Variants in SMAP2 observed in about 807,000 individuals in gnomAD.
SMAP2 encodes the protein stromal membrane-associated protein 2.
In SMAP2, 25 loss-of-function variants were observed where a neutral mutation model predicts 56.4. That is an observed-to-expected ratio of 0.44 (90% CI 0.32 to 0.62). The LOEUF is 0.62. SMAP2 is among the 20% of genes least tolerant of loss of function. SMAP2 has a pLI of 0.04. For synonymous variants in SMAP2, 157 were observed against 181.7 expected, an observed-to-expected ratio of 0.86 and a Z score of 1.09; for missense variants, 388 against 545.6, an observed-to-expected ratio of 0.71 and a Z score of 2.88.
upstream of SMAP2, among the ~76,000 whole-genome samples, chr1:40,373,137 ACTGT>A (rs946078994): frequency 2.4e-4 from 36 of 152,192 alleles, no homozygotes; most frequent in African/African-American, 7.7e-4. Flanking sequence ...GAAGAAACAA[ACTGT>A]CTGGGCACCA....
rs577000550 is a variant in SMAP2 at position 40,386,691 on chromosome 1, G to C, written c.103+12468G>C. On this transcript the variant is annotated intron_variant, in intron 1 of 9. Coordinates refer to ENST00000372718, the MANE Select transcript of SMAP2 (RefSeq NM_022733.3). This position sits in a 1 kb window ranked among gnomAD's most constrained non-coding sequence, Gnocchi z 4.1. The stretch of plus-strand genomic sequence containing the variant: ...TGTCTTGTGGGATTTTAGGAGCTGG[G>C]GAGATAGGAGGATCCCTGTGCTTAT... Among the ~76,000 whole-genome samples the C allele has an allele frequency of 2.6e-5, 4 of 152,182 alleles. No individual in the cohort carries two copies. The East Asian group carries it at 7.7e-4, about 29-fold the overall frequency.
intron 1 of SMAP2, among the ~76,000 whole-genome samples, chr1:40,402,345 A>G (rs372683362): frequency 3.3e-5 from 5 of 152,208 alleles, no homozygotes; most frequent in Admixed American, 2.6e-4. Flanking sequence ...GAATATTTGA[A>G]TTATTCTCTT....
rs1645060720 is a variant in SMAP2 at position 40,423,192 on chromosome 1, A to G, written c.*1091A>G. 1 of 152,652 alleles carries G rather than the reference A, an allele frequency of 6.6e-6. No homozygotes were observed. Among genetic ancestry groups the G allele is most frequent in the Admixed American group, 6.5e-5 (1 of 15,278 alleles). The allele number at this position is 152,652 out of a possible 1,614,324, so 9.5% of individuals were successfully genotyped here. ...AGAGGGCCGGGACAGCTTTCCTCTC[A>G]GTCATTGTTCACCCCACTTGAAAAT... On this transcript the variant is annotated 3_prime_UTR_variant, in exon 10 of 10. Transcript: ENST00000372718.
At chr1:40,351,559 C>T (rs1465700291) in intron 1 of SMAP2, among the ~76,000 whole-genome samples, 1 of 152,054 alleles carries the variant, frequency 6.6e-6, no homozygotes, top group South Asian at 2.1e-4. Flanking sequence ...GGCTGGAGTG[C>T]GATGGCACGA....
intron 9 of SMAP2, among the ~76,000 whole-genome samples, chr1:40,420,432 G>GA (rs1337110829): frequency 6.6e-6 from 1 of 152,056 alleles, no homozygotes; most frequent in African/African-American, 2.4e-5. Flanking sequence ...ACACTGAATG[G>GA]AAAAAACAAA....
At chr1:40,352,296 G>T (rs879587148) in intron 1 of SMAP2, among the ~76,000 whole-genome samples, 2 of 152,056 alleles carry the variant, frequency 1.3e-5, no homozygotes, top group Admixed American at 6.6e-5. Context: ...TTCGTGATCT[G>T]GCCCTCACCC....
intron 9 of SMAP2, 110 bp from the exon 10 acceptor site, chr1:40,421,866 T>C: frequency 7.8e-7 from 1 of 1,288,526 alleles, no homozygotes; most frequent in African/African-American, 1.5e-5. Context: ...AGAGTTTCCC[T>C]TTGTCTCATT....
chr1:40,355,291 G>A (rs1413471923), intron 1 of SMAP2, among the ~76,000 whole-genome samples: 1 of 152,146 alleles, frequency 6.6e-6, no homozygotes, highest in Non-Finnish European at 1.5e-5. Context: ...CAAGGATAAT[G>A]ATGAGTATCA....
intron 1 of SMAP2, among the ~76,000 whole-genome samples, chr1:40,347,533 T>A (rs1264083291): frequency 2.6e-5 from 4 of 151,996 alleles, no homozygotes; most frequent in African/African-American, 4.8e-5. Context: ...GACAGAGTCT[T>A]GCTCTGTCAC....
intron 1 of SMAP2, among the ~76,000 whole-genome samples, chr1:40,346,373 G>A (rs1461211949): frequency 6.6e-6 from 1 of 151,860 alleles, no homozygotes; most frequent in Non-Finnish European, 1.5e-5. Flanking sequence ...GACAAGAATA[G>A]GATTTTTTTT....
intron 2 of SMAP2, among the ~76,000 whole-genome samples, chr1:40,363,438 T>C (rs1644467616): frequency 6.6e-6 from 1 of 152,128 alleles, no homozygotes; most frequent in African/African-American, 2.4e-5. Context: ...TGTTTGTCAT[T>C]ATAAGCCTTG....
At chr1:40,397,856 A>C (rs1644787601) in intron 1 of SMAP2, among the ~76,000 whole-genome samples, 1 of 152,196 alleles carries the variant, frequency 6.6e-6, no homozygotes, top group Non-Finnish European at 1.5e-5. Context: ...TTTGTCAAGC[A>C]GGGAATGAGG....
chr1:40,410,280 G>A (rs1164453950), intron 4 of SMAP2, among the ~76,000 whole-genome samples: 1 of 151,964 alleles, frequency 6.6e-6, no homozygotes. Flanking sequence ...AAAAGTGCCA[G>A]TTACTGAGTC....
intron 1 of SMAP2, among the ~76,000 whole-genome samples, chr1:40,379,660 C>T (rs952936997): frequency 6.7e-6 from 1 of 149,864 alleles, no homozygotes; most frequent in East Asian, 2.0e-4. Context: ...TCTCCTGCCT[C>T]AGCCTCCTGA....
chr1:40,371,562 A>T (rs1173583587), upstream of SMAP2, among the ~76,000 whole-genome samples: 1 of 152,224 alleles, frequency 6.6e-6, no homozygotes. Flanking sequence ...AGAGCAACCA[A>T]CATCTTCAGC....
intron 6 of SMAP2, among the ~76,000 whole-genome samples, chr1:40,414,443 G>C (rs1644967722): frequency 6.6e-6 from 1 of 152,236 alleles, no homozygotes; most frequent in Non-Finnish European, 1.5e-5. Flanking sequence ...CGACAGTGTG[G>C]TGTAGTGGTT....
At chr1:40,377,107 G>A (rs1557828774) in intron 1 of SMAP2, among the ~76,000 whole-genome samples, 1 of 152,032 alleles carries the variant, frequency 6.6e-6, no homozygotes, top group Non-Finnish European at 1.5e-5. Flanking sequence ...GCAACATAGT[G>A]TGACCTTGTC....
chr1:40,408,870 G>C lies in SMAP2; in HGVS notation c.323+132G>C. On this transcript the variant is annotated intron_variant, in intron 3 of 9. Coordinates refer to ENST00000372718, the MANE Select transcript of SMAP2 (RefSeq NM_022733.3). The surrounding 1 kb of genome is among the most constrained non-coding windows in gnomAD (Gnocchi z 4.3). ...TAGTCAGTGTCCTTGCTTGTCCTCT[G>C]TCCTGCAATCAAGGTGCACAAAAAG... The C allele has an allele frequency of 1.5e-6, 1 of 660,496 alleles. No homozygotes were observed. The highest frequency in any genetic ancestry group is 2.7e-6 in the Non-Finnish European group (1 of 376,984). 40.9% of individuals were successfully genotyped at this position (660,496 alleles called of 1,614,324 possible).
intron 1 of SMAP2, among the ~76,000 whole-genome samples, chr1:40,394,947 C>T (rs1362043398): frequency 2.6e-5 from 4 of 152,106 alleles, no homozygotes; most frequent in African/African-American, 7.2e-5. Context: ...TTCACTCTCT[C>T]AGATTCCTCT....
Sources: allele counts gnomAD v4.1 joint callset (sites outside exome capture counted in the v4.1 genomes callset), GRCh38; gene constraint gnomAD v4.1.1; non-coding constraint Gnocchi (gnomAD v3.1); transcripts MANE v1.5; gene names NCBI Gene and HGNC (gene_info 2026-07-23, HGNC 2026-07-21).